Variants in AKAP13 observed in about 807,000 individuals in gnomAD.
The protein encoded by AKAP13 is A-kinase anchoring protein 13, also known as A-kinase anchor protein 13.
Under a neutral mutation model 264.5 loss-of-function variants are expected in AKAP13, and 80 were observed. The observed-to-expected ratio is 0.30, with a 90% CI of 0.25 to 0.36. The LOEUF is 0.36. AKAP13 is among the 10% of genes least tolerant of loss of function. The pLI is 1.00. For synonymous variants in AKAP13, 1,380 were observed against 1,250.2 expected (o/e 1.10, Z -2.19); for missense variants, 3,712 against 3,435.2 (o/e 1.08, Z -2.01).
intron 7 of AKAP13, chr15:85,583,050 C>T (rs376442943): frequency 3.0e-6 from 3 of 985,522 alleles, no homozygotes; most frequent in African/African-American, 1.7e-5. Context: ...GAGTCGGACA[C>T]GATCTTGGCT....
intron 35 of AKAP13, among the ~76,000 whole-genome samples, 171 bp from the exon 36 acceptor site, chr15:85,743,321 T>TA (rs760985239): frequency 6.6e-6 from 1 of 152,184 alleles, no homozygotes; most frequent in Non-Finnish European, 1.5e-5. Flanking sequence ...GGAGGGCAGC[T>TA]AATGAAACCT....
At position 85,748,026 on chromosome 15, in the gene AKAP13, G is replaced by A. The variant is rs870689; in HGVS notation, c.*3349G>A. The A allele has an allele frequency of 0.12, 18,906 of 152,286 alleles. 1,643 individuals carry two copies. Among genetic ancestry groups the A allele is most frequent in the East Asian group, 0.33 (1,705 of 5,170 alleles). 9.4% of individuals were successfully genotyped at this position (152,286 alleles called of 1,614,324 possible). On this transcript the variant is annotated 3_prime_UTR_variant, in exon 37 of 37. Coordinates refer to ENST00000394518, the MANE Select transcript of AKAP13 (RefSeq NM_007200.5). ...TAGATAGACCCTGCCTTAGTAGAGG[G>A]TGGGACTATAACCTTAGAGGCCAGA...
intron 8 of AKAP13, among the ~76,000 whole-genome samples, chr15:85,598,572 C>G (rs2079920823): frequency 6.6e-6 from 1 of 152,136 alleles, no homozygotes; most frequent in Admixed American, 6.6e-5. Flanking sequence ...TGTGCATTTC[C>G]AAAGCAAAAT....
intron 8 of AKAP13, among the ~76,000 whole-genome samples, chr15:85,586,148 A>T (rs1337778318): frequency 6.6e-6 from 1 of 151,466 alleles, no homozygotes; most frequent in Non-Finnish European, 1.5e-5. Flanking sequence ...ACAAAAGGGG[A>T]TCTATAGACC....
intron 8 of AKAP13, among the ~76,000 whole-genome samples, chr15:85,634,403 A>G (rs184638209): frequency 1.2e-4 from 18 of 152,296 alleles, no homozygotes; most frequent in Non-Finnish European, 1.5e-4. Flanking sequence ...AATATTCACA[A>G]CTACTTAGTA....
intron 2 of AKAP13, among the ~76,000 whole-genome samples, chr15:85,511,345 A>G (rs2076412114): frequency 6.6e-6 from 1 of 152,144 alleles, no homozygotes; most frequent in Non-Finnish European, 1.5e-5. Context: ...TCAAGGTTTT[A>G]GTTCTTAACT....
chr15:85,658,046 A>C (rs2083180432), intron 11 of AKAP13, among the ~76,000 whole-genome samples: 1 of 151,770 alleles, frequency 6.6e-6, no homozygotes, highest in African/African-American at 2.4e-5. Flanking sequence ...TGAGACTAGA[A>C]CTCTACTTCT....
intron 11 of AKAP13, 80 bp downstream of exon 11, chr15:85,655,867 A>G (rs2083067516): frequency 4.0e-6 from 6 of 1,504,998 alleles, no homozygotes; most frequent in Non-Finnish European, 5.3e-6. Flanking sequence ...ATTGTTGGTA[A>G]AAGAATTTAG....
intron 1 of AKAP13, among the ~76,000 whole-genome samples, chr15:85,464,819 CTTTTTCTTCTTTTACTAGTTCT>C (rs775973863): frequency 3.9e-5 from 6 of 152,176 alleles, no homozygotes; most frequent in Admixed American, 2.0e-4. Context: ...TACCCCGTCC[CTTTTTCTTCTTTTACTAGTTCT>C]TTAATTTCTA....
intron 1 of AKAP13, among the ~76,000 whole-genome samples, chr15:85,441,082 C>A (rs1369301394): frequency 1.3e-5 from 2 of 152,128 alleles, no homozygotes; most frequent in Non-Finnish European, 2.9e-5. Flanking sequence ...TATGTAGATA[C>A]CTAGGAGTGG....
chr15:85,551,129 T>G (rs1280189585), intron 5 of AKAP13, among the ~76,000 whole-genome samples: 2 of 152,198 alleles, frequency 1.3e-5, no homozygotes, highest in African/African-American at 2.4e-5. Flanking sequence ...TTAACCTAAT[T>G]AATTTATGAT....
chr15:85,407,829 T>A (rs11858732), intron 1 of AKAP13, among the ~76,000 whole-genome samples: 80,991 of 151,374 alleles, frequency 0.54, 22,726 homozygotes, highest in African/African-American at 0.63. Context: ...CCTCATTCTG[T>A]GAGCAGTAGA....
At chr15:85,387,167 T>C (rs2070608392) in intron 1 of AKAP13, among the ~76,000 whole-genome samples, 1 of 151,962 alleles carries the variant, frequency 6.6e-6, no homozygotes, top group Non-Finnish European at 1.5e-5. Flanking sequence ...AAACCCCGTC[T>C]CTACTAAAAA....
chr15:85,548,072 A>G (rs1486024138), intron 5 of AKAP13, among the ~76,000 whole-genome samples: 2 of 152,210 alleles, frequency 1.3e-5, no homozygotes, highest in Admixed American at 6.5e-5. Flanking sequence ...ATGTTATTGG[A>G]TCTGGCTGAT....
At chr15:85,527,961 G>T (rs1187507783) in intron 3 of AKAP13, among the ~76,000 whole-genome samples, 1 of 152,122 alleles carries the variant, frequency 6.6e-6, no homozygotes, top group East Asian at 1.9e-4. Context: ...GACTGGGCTT[G>T]GCTGGCCCAG....
intron 31 of AKAP13, among the ~76,000 whole-genome samples, 198 bp downstream of exon 31, chr15:85,735,348 T>TA (rs2088374835): frequency 6.6e-6 from 1 of 152,200 alleles, no homozygotes; most frequent in African/African-American, 2.4e-5. Context: ...AGATCTCAGC[T>TA]AAAAGAGTAA....
chr15:85,536,431 C>T (rs1395601124), intron 4 of AKAP13: 2 of 152,244 alleles, frequency 1.3e-5, no homozygotes, highest in African/African-American at 4.8e-5. Context: ...TAAAGTTAAA[C>T]ATACACTTAG....
chr15:85,483,682 G>A (rs1000594532), intron 1 of AKAP13, among the ~76,000 whole-genome samples: 1 of 148,722 alleles, frequency 6.7e-6, no homozygotes, highest in Non-Finnish European at 1.5e-5. Context: ...GTTGTGGCGG[G>A]TGCCTGTAAT....
intron 14 of AKAP13, among the ~76,000 whole-genome samples, chr15:85,679,164 C>G (rs939615000): frequency 6.6e-6 from 1 of 151,934 alleles, no homozygotes; most frequent in African/African-American, 2.4e-5. Flanking sequence ...TTGCTTGAAC[C>G]CAGGAGGCGG....
Sources: gnomAD v4.1 joint callset for allele counts (sites outside exome capture counted in the v4.1 genomes callset) on GRCh38, gnomAD v4.1.1 for gene constraint, MANE v1.5 for transcripts, NCBI Gene and HGNC (gene_info 2026-07-23, HGNC 2026-07-21) for gene names.